CADM2: variants seen among roughly 807,000 people sequenced by gnomAD.
The protein encoded by CADM2 is cell adhesion molecule 2.
In CADM2, 12 loss-of-function variants were observed where a neutral mutation model predicts 49.8. That is an observed-to-expected ratio of 0.24 (90% CI 0.15 to 0.39). CADM2 has a LOEUF of 0.39. Among genes scored for constraint, CADM2 ranks in the 10% least tolerant of loss-of-function variants. The probability of loss-of-function intolerance (pLI) is 1.00; values close to 1 mark genes in which losing one functional copy is unlikely to be tolerated. For missense variants in CADM2, 378 were observed against 492.3 expected (o/e 0.77, Z 2.20); for synonymous variants, 214 against 175.4 (o/e 1.22, Z -1.74).
intron 1 of CADM2, among the ~76,000 whole-genome samples, chr3:85,254,364 C>T (rs969265743): frequency 6.6e-6 from 1 of 151,900 alleles, no homozygotes; most frequent in East Asian, 1.9e-4. Context: ...TTTATGAGGA[C>T]TTCATTGTGT....
intron 1 of CADM2, among the ~76,000 whole-genome samples, chr3:85,532,046 G>A (rs551351808): frequency 6.6e-6 from 1 of 152,228 alleles, no homozygotes; most frequent in Admixed American, 6.5e-5. Context: ...GCGTGGTGGC[G>A]GGAGCCTGTA....
intron 1 of CADM2, among the ~76,000 whole-genome samples, chr3:85,446,902 A>T (rs1339943019): frequency 6.7e-6 from 1 of 148,218 alleles, no homozygotes; most frequent in Non-Finnish European, 1.5e-5. Flanking sequence ...GCACCTGGCC[A>T]TGAACGATTT....
intron 8 of CADM2, among the ~76,000 whole-genome samples, chr3:85,965,298 A>G (rs941919377): frequency 2.1e-5 from 3 of 144,848 alleles, no homozygotes; most frequent in African/African-American, 7.6e-5. Context: ...AAATATTTAA[A>G]TATAAATATT....
At position 85,398,950 on chromosome 3, in the gene CADM2, A is replaced by G. The variant is rs147522183; in HGVS notation, c.62-327572A>G. 2.4e-3 allele frequency among the ~76,000 whole-genome samples: 372 copies of G among 152,094 alleles called. 2 individuals carry two copies. Among genetic ancestry groups the G allele is most frequent in the African/African-American group, 8.5e-3 (354 of 41,510 alleles). ...GCAAAAATTTTCTCCCATTCTGTAGACTGCCTGTTCACTCTCATGCTAGTT... is the reference window on the plus strand; with the variant it reads ...GCAAAAATTTTCTCCCATTCTGTAGGCTGCCTGTTCACTCTCATGCTAGTT... On this transcript the variant is annotated intron_variant, in intron 1 of 9. Transcript: ENST00000383699.
At chr3:85,315,755 T>C (rs1322576325) in intron 1 of CADM2, among the ~76,000 whole-genome samples, 3 of 152,210 alleles carry the variant, frequency 2.0e-5, no homozygotes, top group African/African-American at 7.2e-5. Flanking sequence ...ATCTATTTCA[T>C]TTAATATCAG....
intron 3 of CADM2, among the ~76,000 whole-genome samples, chr3:85,868,636 A>G (rs2075808993): frequency 6.6e-6 from 1 of 152,176 alleles, no homozygotes. Context: ...GAGATTTAAT[A>G]ACTATTCTAA....
intron 3 of CADM2, among the ~76,000 whole-genome samples, chr3:85,872,341 G>A (rs1388522948): frequency 5.9e-5 from 9 of 152,078 alleles, no homozygotes; most frequent in Non-Finnish European, 1.3e-4. Context: ...TACAAAGTAG[G>A]AATTCACAGT....
At chr3:85,422,816 TG>T (rs746048322) in intron 1 of CADM2, among the ~76,000 whole-genome samples, 1 of 151,704 alleles carries the variant, frequency 6.6e-6, no homozygotes, top group Non-Finnish European at 1.5e-5. Context: ...GTACAGGAGC[TG>T]GGGCGAGCGC....
chr3:85,842,330 G>T (rs937029912), intron 3 of CADM2, among the ~76,000 whole-genome samples: 1 of 152,108 alleles, frequency 6.6e-6, no homozygotes, highest in Non-Finnish European at 1.5e-5. Context: ...AACAGCTGAG[G>T]TGATAGAGAA....
At chr3:85,128,542 T>C (rs922304111) in intron 1 of CADM2, among the ~76,000 whole-genome samples, 7 of 152,172 alleles carry the variant, frequency 4.6e-5, no homozygotes, top group Non-Finnish European at 2.9e-5. Flanking sequence ...ATGAGTTTAA[T>C]TTGTGTTGTA....
At position 85,779,197 on chromosome 3, in the gene CADM2, AT is replaced by A. The variant is rs397875485; in HGVS notation, c.89-22839del. ...GAACTTGCATTCTCCTGAGTTAATG[AT>A]TTTTTTTTTTAATCAATGCAATGAC... On this transcript the variant is annotated intron_variant, in intron 2 of 9. Coordinates refer to ENST00000383699, the MANE Select transcript of CADM2 (RefSeq NM_001167675.2). 3.6e-3 allele frequency among the ~76,000 whole-genome samples: 539 copies of A among 148,210 alleles called. 2 individuals are homozygous for A. The highest frequency in any genetic ancestry group is 9.4e-3 in the East Asian group (48 of 5,090).
At chr3:85,760,583 A>C (rs1292017980) in intron 2 of CADM2, among the ~76,000 whole-genome samples, 6 of 152,192 alleles carry the variant, frequency 3.9e-5, no homozygotes, top group African/African-American at 1.2e-4. Context: ...TAAGGCATTC[A>C]GAAGTCAGTG....
At chr3:85,316,902 CA>C (rs2044478781) in intron 1 of CADM2, among the ~76,000 whole-genome samples, 1 of 152,076 alleles carries the variant, frequency 6.6e-6, no homozygotes, top group Admixed American at 6.5e-5. Context: ...ACAGTGGTTC[CA>C]GGGGTCTAGA....
chr3:85,805,174 G>C (rs750105763), intron 3 of CADM2, among the ~76,000 whole-genome samples: 25 of 152,052 alleles, frequency 1.6e-4, no homozygotes, highest in Non-Finnish European at 3.4e-4. Context: ...CAACTCCTGA[G>C]CTCAAGCAAT....
rs559931683 is a variant in CADM2 at position 85,441,669 on chromosome 3, C to T, written c.62-284853C>T. Among the ~76,000 whole-genome samples the T allele has an allele frequency of 1.1e-4, 17 of 152,086 alleles. 1 individual carries two copies. Among genetic ancestry groups the T allele is most frequent in the Admixed American group, 9.2e-4 (14 of 15,242 alleles). On this transcript the variant is annotated intron_variant, in intron 1 of 9. Coordinates refer to ENST00000383699, the MANE Select transcript of CADM2 (RefSeq NM_001167675.2). The stretch of plus-strand genomic sequence containing the variant: ...CCAGGAAAATACAAACAACCACATA[C>T]CTCAAACATATTTTTACAAAGGAAA...
intron 1 of CADM2, among the ~76,000 whole-genome samples, chr3:84,980,032 A>G (rs895225576): frequency 1.3e-5 from 2 of 152,198 alleles, no homozygotes; most frequent in African/African-American, 4.8e-5. Context: ...ATGTCATTCA[A>G]TAAAGGTTTT....
chr3:86,003,710 C>G (rs138584620), intron 8 of CADM2, among the ~76,000 whole-genome samples: 1 of 152,098 alleles, frequency 6.6e-6, no homozygotes, highest in South Asian at 2.1e-4. Context: ...AAACTTCATA[C>G]CTTTAAGAAT....
intron 1 of CADM2, among the ~76,000 whole-genome samples, chr3:85,452,918 T>C (rs560521223): frequency 4.6e-4 from 70 of 152,218 alleles, no homozygotes; most frequent in African/African-American, 1.6e-3. Context: ...TACAAAGGCA[T>C]GCAGACTTAC....
chr3:85,528,131 G>C (rs2061213103), intron 1 of CADM2, among the ~76,000 whole-genome samples: 1 of 152,032 alleles, frequency 6.6e-6, no homozygotes, highest in Non-Finnish European at 1.5e-5. Context: ...CAAGCTCTCA[G>C]GGATCTCTCT....
Sources: allele counts gnomAD v4.1 joint callset (sites outside exome capture counted in the v4.1 genomes callset), GRCh38; gene constraint gnomAD v4.1.1; transcripts MANE v1.5; gene names NCBI Gene and HGNC (gene_info 2026-07-23, HGNC 2026-07-21).